Variants in AGAP3 observed in about 807,000 individuals in gnomAD.
AGAP3 encodes the protein arf-GAP with GTPase, ANK repeat and PH domain-containing protein 3.
In AGAP3, 24 loss-of-function variants were observed where a neutral mutation model predicts 96.9. The ratio of observed to expected loss-of-function variants is 0.25; its 90% CI spans 0.18 to 0.35. The LOEUF (loss-of-function observed/expected upper bound fraction) is 0.35. Ranked by LOEUF, AGAP3 falls within the 10% of genes least tolerant of loss-of-function variation. AGAP3 has a pLI of 1.00. For synonymous variants in AGAP3, 563 were observed against 536.1 expected (o/e 1.05, Z -0.69); for missense variants, 876 against 1,254.2 (o/e 0.70, Z 4.55).
At chr7:151,094,866 C>T (rs1407512042) in intron 1 of AGAP3, among the ~76,000 whole-genome samples, 1 of 151,314 alleles carries the variant, frequency 6.6e-6, no homozygotes, top group Non-Finnish European at 1.5e-5. Flanking sequence ...TCCCTTCCTC[C>T]CTTCCTCCCT....
intron 8 of AGAP3, chr7:151,123,311 G>T: frequency 9.7e-7 from 1 of 1,032,058 alleles, no homozygotes; most frequent in Non-Finnish European, 1.2e-6. Context: ...GCCTCTTCTG[G>T]CCTCTCTCCT....
Position 151,120,088 on chromosome 7 carries a change from C to T in AGAP3, c.1071C>T (p.Ala357=), listed in dbSNP as rs1408386931. The change falls in exon 8 of 18, where the codon GCC becomes GCT. Residue 357 remains alanine, a synonymous_variant. Transcript: ENST00000397238. ...QRELRIETIA[A]SSTPTPIRKQ... Reference sequence around the variant, plus strand: ...AGCTGCGCATCGAGACCATCGCTGCCTCCTCCACCCCCACACCCATCCGAA... The same window carrying T: ...AGCTGCGCATCGAGACCATCGCTGCTTCCTCCACCCCCACACCCATCCGAA... 4.3e-6 allele frequency: 7 copies of T among 1,613,822 alleles called. No homozygotes were observed. The African/African-American group carries it at 6.7e-5, about 15-fold the overall frequency.
In AGAP3 at chr7:151,086,863, C is replaced by G; in HGVS notation, c.122C>G (p.Pro41Arg). 2 of 1,113,362 alleles carry G rather than the reference C, an allele frequency of 1.8e-6. No homozygotes were observed. Among genetic ancestry groups the G allele is most frequent in the Non-Finnish European group, 2.2e-6 (2 of 911,932 alleles). The allele number at this position is 1,113,362 out of a possible 1,614,324, so 69.0% of individuals were successfully genotyped here. A position where few individuals can be genotyped will look rare whatever the true frequency, so the allele number is the denominator to read the frequency against. Residue 41 changes from proline to arginine, a missense_variant, in exon 1 of 18, where the codon CCC becomes CGC. Transcript: ENST00000397238. ...GGCGGGCAGTTCGGCGGCGCGGGGC[C>G]CGGGGCCGGGGGCGGCGGCGGCCCC... ...VCGGQFGGAG[P>R]GAGGGGGPSQ...
At chr7:151,104,867 C>T (rs759772583) in intron 1 of AGAP3, among the ~76,000 whole-genome samples, 2 of 149,994 alleles carry the variant, frequency 1.3e-5, no homozygotes, top group South Asian at 2.1e-4. Context: ...GGTTGAAGAA[C>T]GGACAGAACA....
chr7:151,106,052 G>A (rs1799043829), intron 1 of AGAP3, among the ~76,000 whole-genome samples: 1 of 151,924 alleles, frequency 6.6e-6, no homozygotes, highest in South Asian at 2.1e-4. Context: ...ATATTCCTTT[G>A]AAAATATGAA....
intron 8 of AGAP3, chr7:151,120,399 C>T (rs1047404845): frequency 2.1e-5 from 14 of 668,434 alleles, no homozygotes; most frequent in East Asian, 5.5e-5. Flanking sequence ...TGCCCTCTGC[C>T]GCACACACTC....
chr7:151,124,265 T>G (rs1800065325), intron 9 of AGAP3, among the ~76,000 whole-genome samples: 1 of 152,202 alleles, frequency 6.6e-6, no homozygotes, highest in South Asian at 2.1e-4. Context: ...TGAGGGCTAG[T>G]CCAGCGCTAG....
chr7:151,107,627 A>C (rs979206713), intron 1 of AGAP3, among the ~76,000 whole-genome samples: 3 of 151,864 alleles, frequency 2.0e-5, no homozygotes, highest in Non-Finnish European at 2.9e-5. Context: ...GTCTCAAAAA[A>C]ATTTTTTTTT....
At chr7:151,120,987 G>T (rs1242327855) in intron 8 of AGAP3, 7 of 402,988 alleles carry the variant, frequency 1.7e-5, no homozygotes, top group Non-Finnish European at 2.4e-5. Context: ...CCCCGTGTGG[G>T]TTGTCACGAG....
chr7:151,095,214 T>C (rs1182858137), intron 1 of AGAP3, among the ~76,000 whole-genome samples: 1 of 152,236 alleles, frequency 6.6e-6, no homozygotes, highest in Non-Finnish European at 1.5e-5. Flanking sequence ...CATTTCTCTG[T>C]TTGCTGCAAG....
intron 1 of AGAP3, among the ~76,000 whole-genome samples, chr7:151,093,073 C>T (rs766173967): frequency 3.3e-5 from 5 of 152,066 alleles, no homozygotes; most frequent in Admixed American, 6.5e-5. Context: ...ACGGATGTAG[C>T]GTACAATAGA....
In AGAP3 at chr7:151,123,871, C is replaced by T. The variant is rs748876163; in HGVS notation, c.1206C>T (p.Ala402=). The T allele has an allele frequency of 1.9e-6, 3 of 1,609,014 alleles. No individual in the cohort carries two copies. The highest frequency in any genetic ancestry group is 2.5e-6 in the Non-Finnish European group (3 of 1,179,838). The change falls in exon 9 of 18, where the codon GCC becomes GCT. Residue 402 remains alanine (A), a synonymous_variant. Transcript: ENST00000397238. Reference sequence around the variant, plus strand: ...TGGACAGCATCGGGAGCGGCCGCGCCATCCCCATCAAGCAGGTCAGCGCCT... The same window carrying T: ...TGGACAGCATCGGGAGCGGCCGCGCTATCCCCATCAAGCAGGTCAGCGCCT... ...CKVDSIGSGR[A]IPIKQGILLK... is the part of the protein sequence containing the mutation.
chr7:151,099,190 A>C (rs1004108805), intron 1 of AGAP3, among the ~76,000 whole-genome samples: 7 of 151,882 alleles, frequency 4.6e-5, no homozygotes, highest in Middle Eastern at 3.2e-3. Flanking sequence ...AAAAATACAA[A>C]AAATTAGCCG....
chr7:151,086,084 G>A (rs1008207037), upstream of AGAP3: 2 of 152,388 alleles, frequency 1.3e-5, no homozygotes, highest in African/African-American at 4.8e-5. Flanking sequence ...TCAGGCGCAG[G>A]GCACTGTTTG....
intron 9 of AGAP3, among the ~76,000 whole-genome samples, chr7:151,125,426 G>T (rs1448656036): frequency 6.6e-6 from 1 of 152,190 alleles, no homozygotes; most frequent in Non-Finnish European, 1.5e-5. Flanking sequence ...GAGTTAGTAG[G>T]TCACTTGGGT....
At chr7:151,122,188 C>T (rs1399091682) in intron 8 of AGAP3, among the ~76,000 whole-genome samples, 1 of 152,380 alleles carries the variant, frequency 6.6e-6, no homozygotes, top group Non-Finnish European at 1.5e-5. Context: ...CCACCTTCCT[C>T]CTCCCTGGGC....
At chr7:151,100,418 C>T (rs976551876) in intron 1 of AGAP3, among the ~76,000 whole-genome samples, 9 of 152,208 alleles carry the variant, frequency 5.9e-5, no homozygotes, top group African/African-American at 1.9e-4. Flanking sequence ...AGAGATGTGT[C>T]GCGTTCCACT....
Position 151,138,205 on chromosome 7 carries a change from T to C in AGAP3, c.1558T>C (p.Trp520Arg). 3 of 1,611,334 alleles carry C rather than the reference T, an allele frequency of 1.9e-6. No individual in the cohort carries two copies. The highest frequency in any genetic ancestry group is 2.5e-6 in the Non-Finnish European group (3 of 1,179,290). ...HSERPLSSSA[W>R]AGPRPEGLHQ... ...TGAGCGCCCCCTCAGCAGCTCGGCC[T>C]GGGCTGGCCCGCGCCCTGAGGGGCT... The change falls in exon 12 of 18, where the codon TGG becomes CGG. Residue 520 changes from tryptophan (W) to arginine (R), a missense_variant. Trp to Arg is a moderately radical substitution (Grantham distance 101). Coordinates refer to ENST00000397238, the MANE Select transcript of AGAP3 (RefSeq NM_031946.7).
rs565842214 is a variant in AGAP3 at position 151,142,922 on chromosome 7, T to C, written c.2273+288T>C. On this transcript the variant is annotated intron_variant, in intron 16 of 17. Coordinates refer to ENST00000397238, the MANE Select transcript of AGAP3 (RefSeq NM_031946.7). The surrounding 1 kb of genome is among the most constrained non-coding windows in gnomAD (Gnocchi z 7.5). The stretch of plus-strand genomic sequence containing the variant: ...GTGCAGAGCGCCCACTCCGGAGCTC[T>C]GAGATGGGGAGAATGGGTGAGAGAT... Among the ~76,000 whole-genome samples the C allele has an allele frequency of 6.6e-6, 1 of 152,284 alleles. No individual in the cohort carries two copies. The highest frequency in any genetic ancestry group is 2.4e-5 in the African/African-American group (1 of 41,568).
Sources: gnomAD v4.1 joint callset for allele counts (sites outside exome capture counted in the v4.1 genomes callset) on GRCh38, gnomAD v4.1.1 for gene constraint, Gnocchi (gnomAD v3.1) non-coding constraint, MANE v1.5 for transcripts, NCBI Gene and HGNC (gene_info 2026-07-23, HGNC 2026-07-21) for gene names.